Variants in DCC observed in about 807,000 individuals in gnomAD.
DCC encodes netrin receptor DCC.
A neutral mutation model predicts 172.5 loss-of-function variants in DCC; 58 were observed. The ratio of observed to expected loss-of-function variants is 0.34; its 90% CI spans 0.27 to 0.42. The LOEUF is 0.42. Among genes scored for constraint, DCC ranks in the 10% least tolerant of loss-of-function variants. The pLI is 1.00. For synonymous variants in DCC, 709 were observed against 644.5 expected (o/e 1.10, Z -1.52); for missense variants, 1,740 against 1,791.0 (o/e 0.97, Z 0.51).
At chr18:53,334,362 G>A (rs1381233997) in intron 14 of DCC, among the ~76,000 whole-genome samples, 3 of 152,058 alleles carry the variant, frequency 2.0e-5, no homozygotes, top group South Asian at 2.1e-4. Flanking sequence ...TAGTAACCTG[G>A]TCTGTAAGTG....
chr18:52,803,490 T>A (rs532261095), intron 2 of DCC, among the ~76,000 whole-genome samples: 1 of 152,322 alleles, frequency 6.6e-6, no homozygotes, highest in African/African-American at 2.4e-5. Context: ...ATGTACTGTC[T>A]GTGCACATTT....
At chr18:52,557,283 G>C (rs535194587) in intron 1 of DCC, among the ~76,000 whole-genome samples, 90 of 152,264 alleles carry the variant, frequency 5.9e-4, no homozygotes, top group South Asian at 1.7e-3. Flanking sequence ...TTTAAATGTT[G>C]CGTCCCATTA....
chr18:53,213,624 G>A (rs1434675581), intron 11 of DCC, among the ~76,000 whole-genome samples: 2 of 140,772 alleles, frequency 1.4e-5, no homozygotes, highest in Non-Finnish European at 3.0e-5. Flanking sequence ...CTCCAGCCTG[G>A]GTGACAGAGC....
At chr18:53,255,557 T>C (rs1216377583) in intron 12 of DCC, among the ~76,000 whole-genome samples, 2 of 152,038 alleles carry the variant, frequency 1.3e-5, no homozygotes, top group East Asian at 3.9e-4. Context: ...TCCTTTTTTA[T>C]GGCTACATAG....
chr18:53,129,590 C>CT (rs1053198851), intron 7 of DCC, among the ~76,000 whole-genome samples: 1 of 152,140 alleles, frequency 6.6e-6, no homozygotes, highest in East Asian at 1.9e-4. Flanking sequence ...ATTATTTCCT[C>CT]TTTTTTTCTG....
intron 1 of DCC, among the ~76,000 whole-genome samples, chr18:52,652,440 A>G (rs925054379): frequency 1.3e-5 from 2 of 152,142 alleles, no homozygotes; most frequent in African/African-American, 2.4e-5. Flanking sequence ...TTTTCAATAC[A>G]GTCATTGGAA....
intron 2 of DCC, among the ~76,000 whole-genome samples, chr18:52,902,359 G>A (rs1434764500): frequency 1.3e-5 from 2 of 152,162 alleles, no homozygotes; most frequent in Non-Finnish European, 2.9e-5. Flanking sequence ...ATTCGAGTGA[G>A]GAAAACAGAG....
chr18:53,499,963 C>G (rs780873177), intron 27 of DCC, among the ~76,000 whole-genome samples: 1 of 152,124 alleles, frequency 6.6e-6, no homozygotes, highest in Non-Finnish European at 1.5e-5. Context: ...CTCAGGAGTT[C>G]TTATTTATTT....
intron 15 of DCC, among the ~76,000 whole-genome samples, chr18:53,342,817 A>T (rs1439383823): frequency 8.1e-6 from 1 of 123,234 alleles, no homozygotes; most frequent in Non-Finnish European, 1.8e-5. Context: ...GACTGTTTAA[A>T]TTATGCATAT....
At chr18:52,947,350 T>G (rs1049506384) in intron 5 of DCC, among the ~76,000 whole-genome samples, 10 of 152,214 alleles carry the variant, frequency 6.6e-5, no homozygotes, top group African/African-American at 2.4e-4. Flanking sequence ...ACTAGTCAAC[T>G]CCTTATATTG....
At chr18:53,429,795 A>G (rs554605201) in intron 21 of DCC, among the ~76,000 whole-genome samples, 1 of 152,270 alleles carries the variant, frequency 6.6e-6, no homozygotes, top group South Asian at 2.1e-4. Flanking sequence ...GCATAGCAGT[A>G]ACAATGTATT....
At chr18:52,526,525 C>T (rs1411068226) in intron 1 of DCC, among the ~76,000 whole-genome samples, 2 of 151,770 alleles carry the variant, frequency 1.3e-5, no homozygotes, top group Non-Finnish European at 2.9e-5. Context: ...AATGCAGAAA[C>T]CAATAGATTT....
chr18:53,111,952 G>A (rs2043339183), intron 7 of DCC, among the ~76,000 whole-genome samples: 1 of 151,356 alleles, frequency 6.6e-6, no homozygotes, highest in African/African-American at 2.4e-5. Flanking sequence ...TGTGTTAAGA[G>A]GGAAAAAAAG....
chr18:52,793,491 G>GT (rs2037814926), intron 2 of DCC, among the ~76,000 whole-genome samples: 2 of 152,056 alleles, frequency 1.3e-5, no homozygotes, highest in South Asian at 2.1e-4. Flanking sequence ...AGTAGTATTT[G>GT]TTTTTTGGCT....
intron 7 of DCC, among the ~76,000 whole-genome samples, chr18:53,103,685 C>A (rs1198003067): frequency 6.6e-6 from 1 of 152,054 alleles, no homozygotes; most frequent in Non-Finnish European, 1.5e-5. Flanking sequence ...ACGCTTGATC[C>A]TTTTAGGATT....
At chr18:52,570,189 G>C (rs968928935) in intron 1 of DCC, among the ~76,000 whole-genome samples, 8 of 152,158 alleles carry the variant, frequency 5.3e-5, no homozygotes, top group Non-Finnish European at 8.8e-5. Context: ...CGGCCTGACA[G>C]GTAGTTTGAA....
chr18:52,662,050 A>C (rs1028762340), intron 1 of DCC, among the ~76,000 whole-genome samples: 1 of 152,238 alleles, frequency 6.6e-6, no homozygotes, highest in Non-Finnish European at 1.5e-5. Flanking sequence ...AGAATGTAGG[A>C]GAAAAGAAAA....
At chr18:52,862,768 G>A (rs528970292) in intron 2 of DCC, among the ~76,000 whole-genome samples, 7 of 151,988 alleles carry the variant, frequency 4.6e-5, no homozygotes, top group Non-Finnish European at 7.4e-5. Context: ...TTTACAGAGA[G>A]GAGAATCAGG....
At chr18:52,671,530 AC>A (rs1308127219) in intron 1 of DCC, among the ~76,000 whole-genome samples, 46 of 139,442 alleles carry the variant, frequency 3.3e-4, no homozygotes, top group African/African-American at 1.1e-3. Flanking sequence ...TCATATGCCA[AC>A]CTTTTTTTTT....
Sources: allele counts gnomAD v4.1 joint callset (sites outside exome capture counted in the v4.1 genomes callset), GRCh38; gene constraint gnomAD v4.1.1; transcripts MANE v1.5; gene names NCBI Gene and HGNC (gene_info 2026-07-23, HGNC 2026-07-21).